The following MAP7D2 variants were observed in gnomAD, a reference collection of about 807,000 sequenced individuals.
The protein encoded by MAP7D2 is MAP7 domain containing 2.
Under a neutral mutation model 63.5 loss-of-function variants are expected in MAP7D2, and 33 were observed. The observed-to-expected ratio is 0.52, with a 90% CI of 0.39 to 0.70. The LOEUF (loss-of-function observed/expected upper bound fraction) is 0.70. Ranked by LOEUF, MAP7D2 falls within the 30% of genes least tolerant of loss-of-function variation. MAP7D2 has a pLI of 0.00. For missense variants in MAP7D2, 626 were observed against 604.0 expected (o/e 1.04, Z -0.38); for synonymous variants, 224 against 223.7 (o/e 1.00, Z -0.01).
chrX:20,091,113 C>A (rs1403978557), intron 1 of MAP7D2, among the ~76,000 whole-genome samples: 5 of 101,261 alleles, frequency 4.9e-5, no homozygotes, highest in Non-Finnish European at 9.9e-5. Context: ...AGTGCAGTGG[C>A]GCGATCTCAG....
intron 8 of MAP7D2, among the ~76,000 whole-genome samples, chrX:20,037,685 G>C (rs1036795776): frequency 8.9e-6 from 1 of 112,078 alleles, no homozygotes; most frequent in Admixed American, 9.5e-5. Context: ...TTCATGGGCT[G>C]TAGCCAATGG....
At chrX:20,065,992 G>A (rs1403731926) in intron 1 of MAP7D2, among the ~76,000 whole-genome samples, 1 of 106,190 alleles carries the variant, frequency 9.4e-6, no homozygotes. Flanking sequence ...GTGCAATCTC[G>A]GCTCACTGCA....
chrX:20,061,096 G>A (rs1228864639), intron 3 of MAP7D2, among the ~76,000 whole-genome samples: 1 of 96,439 alleles, frequency 1.0e-5, no homozygotes, highest in East Asian at 3.2e-4. Context: ...CTTTTCTCTG[G>A]CTGACAGAGA....
At chrX:20,116,509 C>G in intron 1 of MAP7D2, 2 of 858,247 alleles carry the variant, frequency 2.3e-6, no homozygotes, top group Non-Finnish European at 1.4e-6. Context: ...CCCTAAGCCA[C>G]CCCCCATGTG....
intron 1 of MAP7D2, among the ~76,000 whole-genome samples, chrX:20,115,354 AAACT>A (rs1483533395): frequency 2.7e-5 from 3 of 109,978 alleles, no homozygotes; most frequent in Non-Finnish European, 5.7e-5. Context: ...ACATCGAAAC[AAACT>A]ATTATTTAAG....
rs1194358585 is a variant in MAP7D2 at position 20,025,791 on chromosome X, T to C, written c.1169A>G (p.Gln390Arg). The C allele has an allele frequency of 5.0e-6, 6 of 1,210,188 alleles. No individual in the cohort carries two copies. The highest frequency in any genetic ancestry group is 6.7e-6 in the Non-Finnish European group (6 of 895,302). The change falls in exon 9 of 17, where the codon CAG becomes CGG. Residue 390 changes from glutamine (Q) to arginine (R), a missense_variant. Transcript: ENST00000379643. ...CTCTCCTTGCGGGCCAGCAGCCTGC[T>C]GAGCCAAGGTACCTTCCCTTTCCTT... ...SNKEREGTLA[Q>R]QAAGPQGEEA...
intron 1 of MAP7D2, among the ~76,000 whole-genome samples, chrX:20,101,988 T>A (rs2066447701): frequency 8.9e-6 from 1 of 112,232 alleles, no homozygotes; most frequent in East Asian, 2.8e-4. Flanking sequence ...TTTAATACAA[T>A]TTAAAAATAA....
At position 20,056,885 on chromosome X, in the gene MAP7D2, T is replaced by C. The variant is rs1409963564; in HGVS notation, c.373-94A>G. ...TCAGTGCACAGTGTGAGTCACCAAA[T>C]GGGGCTTTCTGTGCTCAGCATCCAA... On this transcript the variant is annotated intron_variant, in intron 3 of 16. Transcript: ENST00000379643. The C allele has an allele frequency of 9.3e-5, 72 of 771,849 alleles. No homozygotes were observed. The South Asian group carries it at 1.6e-3, about 17-fold the overall frequency. The allele number at this position is 771,849 out of a possible 1,213,427, so 63.6% of individuals were successfully genotyped here.
intron 8 of MAP7D2, among the ~76,000 whole-genome samples, chrX:20,040,134 G>A (rs1313513239): frequency 3.6e-5 from 4 of 110,945 alleles, no homozygotes; most frequent in Non-Finnish European, 7.6e-5. Flanking sequence ...TCAGCTTTTG[G>A]ACTCTTGGAC....
intron 8 of MAP7D2, among the ~76,000 whole-genome samples, chrX:20,041,997 C>A (rs1429612399): frequency 9.0e-6 from 1 of 111,071 alleles, no homozygotes; most frequent in African/African-American, 3.3e-5. Flanking sequence ...TGCCTGTGAA[C>A]AGTCACTGTA....
At chrX:20,048,868 G>C (rs1465261013) in intron 6 of MAP7D2, among the ~76,000 whole-genome samples, 1 of 110,135 alleles carries the variant, frequency 9.1e-6, no homozygotes, top group African/African-American at 3.3e-5. Context: ...GCTGCAGTGA[G>C]CTATGATCAC....
chrX:20,100,847 C>T (rs766497170), intron 1 of MAP7D2, among the ~76,000 whole-genome samples: 1 of 110,344 alleles, frequency 9.1e-6, no homozygotes, highest in Non-Finnish European at 1.9e-5. Flanking sequence ...CATGGAGAAA[C>T]CCTGTCTCTA....
intron 1 of MAP7D2, among the ~76,000 whole-genome samples, chrX:20,072,106 A>T (rs2065517910): frequency 8.9e-6 from 1 of 111,800 alleles, no homozygotes; most frequent in South Asian, 3.7e-4. Flanking sequence ...AATTTGCAGA[A>T]TATTTTAACC....
chrX:20,083,609 A>G (rs1192103513), intron 1 of MAP7D2, among the ~76,000 whole-genome samples: 2 of 112,439 alleles, frequency 1.8e-5, no homozygotes, highest in South Asian at 3.7e-4. Context: ...TGGATTTACC[A>G]CATTATTTTA....
intron 8 of MAP7D2, among the ~76,000 whole-genome samples, chrX:20,036,662 T>C (rs1264112058): frequency 1.9e-5 from 2 of 104,957 alleles, no homozygotes; most frequent in Non-Finnish European, 3.9e-5. Flanking sequence ...TCCCAGCACT[T>C]TGGGAGGCCA....
At chrX:20,075,500 T>C (rs2065620436) in intron 1 of MAP7D2, among the ~76,000 whole-genome samples, 1 of 110,449 alleles carries the variant, frequency 9.1e-6, no homozygotes, top group Non-Finnish European at 1.9e-5. Context: ...TAGGAAGCCA[T>C]GAGCCATGTT....
At chrX:20,107,573 GC>G (rs200020314) in intron 1 of MAP7D2, among the ~76,000 whole-genome samples, 3 of 107,846 alleles carry the variant, frequency 2.8e-5, no homozygotes, top group South Asian at 4.0e-4. Context: ...TCTGTTTCCC[GC>G]CCCCCCCAAA....
At chrX:20,094,522 A>ATG (rs2066176939) in intron 1 of MAP7D2, among the ~76,000 whole-genome samples, 1 of 13,915 alleles carries the variant, frequency 7.2e-5, no homozygotes, top group Non-Finnish European at 1.0e-4. Flanking sequence ...ATATGTATAT[A>ATG]TATATATATA....
intron 1 of MAP7D2, among the ~76,000 whole-genome samples, chrX:20,072,573 C>G (rs1421981617): frequency 9.0e-6 from 1 of 111,477 alleles, no homozygotes; most frequent in Non-Finnish European, 1.9e-5. Context: ...ATACTGAGCA[C>G]CTCAGTTTTT....
Sources: allele counts gnomAD v4.1 joint callset (sites outside exome capture counted in the v4.1 genomes callset), GRCh38; gene constraint gnomAD v4.1.1; transcripts MANE v1.5; gene names NCBI Gene and HGNC (gene_info 2026-07-23, HGNC 2026-07-21).